GPC6: variants seen among roughly 807,000 people sequenced by gnomAD.
GPC6 encodes glypican 6, also known as glypican-6.
A neutral mutation model predicts 55.2 loss-of-function variants in GPC6; 14 were observed. The observed-to-expected ratio is 0.25, with a 90% CI of 0.17 to 0.40. The LOEUF is 0.40. Ranked by LOEUF, GPC6 falls within the 10% of genes least tolerant of loss-of-function variation. GPC6 has a pLI of 1.00. For synonymous variants in GPC6, 278 were observed against 259.6 expected, an observed-to-expected ratio of 1.07 and a Z score of -0.68; for missense variants, 641 against 708.5, an observed-to-expected ratio of 0.90 and a Z score of 1.08.
chr13:94,087,256 A>C (rs752907323), intron 4 of GPC6, among the ~76,000 whole-genome samples: 10 of 152,224 alleles, frequency 6.6e-5, no homozygotes, highest in Non-Finnish European at 1.2e-4. Flanking sequence ...CAGAGGGCGG[A>C]GACCTGCAAG....
chr13:93,369,796 A>C (rs573303804), intron 1 of GPC6, among the ~76,000 whole-genome samples: 29 of 152,308 alleles, frequency 1.9e-4, no homozygotes, highest in African/African-American at 5.8e-4. Context: ...AGAAATGTTC[A>C]AAAGCTTCAA....
chr13:94,040,957 C>T (rs930508211), intron 4 of GPC6, among the ~76,000 whole-genome samples: 1 of 151,732 alleles, frequency 6.6e-6, no homozygotes, highest in Non-Finnish European at 1.5e-5. Context: ...TATTAAAATC[C>T]ATTTCTTCTA....
intron 3 of GPC6, among the ~76,000 whole-genome samples, chr13:93,898,966 T>A (rs9524271): frequency 7.3e-6 from 1 of 137,094 alleles, no homozygotes; most frequent in African/African-American, 2.7e-5. Flanking sequence ...TATATATATA[T>A]ACACACACAT....
chr13:93,892,999 C>T (rs1403439276), intron 3 of GPC6, among the ~76,000 whole-genome samples: 3 of 151,774 alleles, frequency 2.0e-5, no homozygotes, highest in Non-Finnish European at 2.9e-5. Context: ...TGCATATTGT[C>T]GTGTTGTCCT....
At position 93,839,902 on chromosome 13, in the gene GPC6, C is replaced by A. The variant is rs1887885830; in HGVS notation, c.711+9357C>A. On this transcript the variant is annotated intron_variant, in intron 3 of 8. Transcript: ENST00000377047. The stretch of plus-strand genomic sequence containing the variant: ...AGTTAAGGATTTTAGCATCTATATT[C>A]ATCGAGGATATCAGTCCGTAGTTTT... Among the ~76,000 whole-genome samples the A allele has an allele frequency of 2.6e-5, 4 of 152,160 alleles. No homozygotes were observed. The South Asian group carries it at 8.3e-4, about 32-fold the overall frequency.
At chr13:93,466,271 G>T (rs1384888813) in intron 1 of GPC6, among the ~76,000 whole-genome samples, 9 of 151,976 alleles carry the variant, frequency 5.9e-5, no homozygotes, top group African/African-American at 2.2e-4. Context: ...AATGAAGCAT[G>T]CCTGTATAAA....
At chr13:93,395,079 A>T in intron 1 of GPC6, 1 of 264,462 alleles carries the variant, frequency 3.8e-6, no homozygotes, top group East Asian at 9.4e-5. Flanking sequence ...TAATTGCCAA[A>T]ATCATTGCAG....
intron 2 of GPC6, among the ~76,000 whole-genome samples, chr13:93,822,944 A>T (rs1887108043): frequency 6.6e-6 from 1 of 151,302 alleles, no homozygotes; most frequent in African/African-American, 2.4e-5. Flanking sequence ...GCTGCCTGCA[A>T]CCTCTGCCTC....
intron 2 of GPC6, among the ~76,000 whole-genome samples, chr13:93,703,341 G>A (rs1267848245): frequency 1.3e-5 from 2 of 151,616 alleles, no homozygotes; most frequent in East Asian, 1.9e-4. Context: ...AATATCAGAG[G>A]TTACTGATCA....
In GPC6 at chr13:94,286,448, T is replaced by A; in HGVS notation, c.977T>A (p.Met326Lys). The A allele has an allele frequency of 6.2e-7, 1 of 1,613,820 alleles. No individual in the cohort carries two copies. The highest frequency in any genetic ancestry group is 8.5e-7 in the Non-Finnish European group (1 of 1,179,766). The change falls in exon 5 of 9, where the codon ATG becomes AAG. Residue 326 changes from methionine to lysine, a missense_variant. Physicochemically the swap from Met to Lys is moderately conservative, Grantham distance 95. Transcript: ENST00000377047. ...DVKISEAIMN[M>K]QENSMQVSAK... ...AAGATTTCTGAAGCCATTATGAACATGCAAGAAAACAGCATGCAGGTGTCT... is the reference window on the plus strand; with the variant it reads ...AAGATTTCTGAAGCCATTATGAACAAGCAAGAAAACAGCATGCAGGTGTCT...
intron 2 of GPC6, among the ~76,000 whole-genome samples, chr13:93,725,476 C>G (rs1883602556): frequency 6.6e-6 from 1 of 151,886 alleles, no homozygotes; most frequent in South Asian, 2.1e-4. Context: ...CCTTTCTAAC[C>G]TGCTAAATCT....
chr13:93,640,180 C>A (rs964952131), intron 2 of GPC6, among the ~76,000 whole-genome samples: 8 of 152,030 alleles, frequency 5.3e-5, no homozygotes, highest in African/African-American at 1.9e-4. Flanking sequence ...AAGGTCTTCA[C>A]AGGCTTCAGG....
intron 1 of GPC6, among the ~76,000 whole-genome samples, chr13:93,255,345 A>T (rs1008102615): frequency 1.3e-5 from 2 of 152,156 alleles, no homozygotes. Context: ...TTATACTAGA[A>T]CCATTCAAAT....
At chr13:93,765,343 A>G (rs1885100416) in intron 2 of GPC6, among the ~76,000 whole-genome samples, 1 of 127,250 alleles carries the variant, frequency 7.9e-6, no homozygotes, top group Non-Finnish European at 1.7e-5. Context: ...TTGTACTTAT[A>G]AATATATGCA....
intron 4 of GPC6, among the ~76,000 whole-genome samples, chr13:94,166,981 ATAAAT>A (rs1423416376): frequency 3.3e-5 from 5 of 152,226 alleles, no homozygotes; most frequent in East Asian, 1.9e-4. Flanking sequence ...TAATAGAATA[ATAAAT>A]TAAATAATCA....
At chr13:94,350,646 T>C (rs1204160504) in intron 6 of GPC6, among the ~76,000 whole-genome samples, 1 of 152,130 alleles carries the variant, frequency 6.6e-6, no homozygotes, top group Non-Finnish European at 1.5e-5. Flanking sequence ...AATATGATAC[T>C]CATAATATGT....
At position 93,507,452 on chromosome 13, in the gene GPC6, T is replaced by G. The variant is rs145664033; in HGVS notation, c.161-37811T>G. Among the ~76,000 whole-genome samples, 984 of 152,212 alleles carry G rather than the reference T, an allele frequency of 6.5e-3. 8 individuals are homozygous for G. Among genetic ancestry groups the G allele is most frequent in the African/African-American group, 0.022 (923 of 41,524 alleles). On this transcript the variant is annotated intron_variant, in intron 1 of 8. Transcript: ENST00000377047. ...CTTCCCCCAAATCTAGTAAAACACT[T>G]GATATTATTACACAACACATTTAAA...
chr13:94,116,294 G>A (rs371916880), intron 4 of GPC6, among the ~76,000 whole-genome samples: 3 of 152,050 alleles, frequency 2.0e-5, no homozygotes, highest in African/African-American at 7.2e-5. Flanking sequence ...TGGAAGTTGC[G>A]CTTGATATTG....
intron 1 of GPC6, among the ~76,000 whole-genome samples, chr13:93,422,888 A>G (rs1392525202): frequency 6.6e-6 from 1 of 152,224 alleles, no homozygotes; most frequent in Non-Finnish European, 1.5e-5. Flanking sequence ...GCTTACACAA[A>G]TTAAATGAAG....
Sources: gnomAD v4.1 joint callset for allele counts (sites outside exome capture counted in the v4.1 genomes callset) on GRCh38, gnomAD v4.1.1 for gene constraint, MANE v1.5 for transcripts, NCBI Gene and HGNC (gene_info 2026-07-23, HGNC 2026-07-21) for gene names.